The following PCDH15 variants were observed in gnomAD, a reference collection of about 807,000 sequenced individuals.
PCDH15 encodes the protein protocadherin related 15.
PCDH15 carries 129 observed loss-of-function variants against 178.5 expected under a neutral mutation model. The observed-to-expected ratio is 0.72, with a 90% CI of 0.63 to 0.84. PCDH15 has a LOEUF of 0.84. Ranked by LOEUF, PCDH15 falls within the 40% of genes least tolerant of loss-of-function variation. PCDH15 has a pLI of 0.00. For missense variants in PCDH15, 2,230 were observed against 2,099.9 expected (o/e 1.06, Z -1.21); for synonymous variants, 800 against 732.0 (o/e 1.09, Z -1.50).
At chr10:54,002,473 T>C (rs774889570) in intron 20 of PCDH15, among the ~76,000 whole-genome samples, 5 of 152,080 alleles carry the variant, frequency 3.3e-5, no homozygotes, top group Non-Finnish European at 5.9e-5. Context: ...ATTAAAAACT[T>C]TGAAATAATA....
chr10:54,037,469 G>A (rs1258693708), intron 18 of PCDH15, among the ~76,000 whole-genome samples: 2 of 151,886 alleles, frequency 1.3e-5, no homozygotes, highest in African/African-American at 4.8e-5. Flanking sequence ...ATTAAGACTT[G>A]CTGAAGGTTC....
At chr10:55,419,469 G>A (rs1317053773) in intron 2 of PCDH15, among the ~76,000 whole-genome samples, 2 of 151,748 alleles carry the variant, frequency 1.3e-5, no homozygotes, top group Admixed American at 6.6e-5. Context: ...AGGAGAGATT[G>A]TTTGTATTTC....
chr10:53,827,574 A>G, intron 31 of PCDH15, 26 bp from the exon 32 acceptor site: 1 of 1,613,948 alleles, frequency 6.2e-7, no homozygotes, highest in Non-Finnish European at 8.5e-7. Context: ...GATGGCTTGT[A>G]AAACTCATTT....
At chr10:55,020,821 C>T (rs992647044) in intron 2 of PCDH15, among the ~76,000 whole-genome samples, 2 of 152,090 alleles carry the variant, frequency 1.3e-5, no homozygotes, top group African/African-American at 4.8e-5. Context: ...TAAATTGATG[C>T]CTTATCTTCA....
chr10:53,979,869 C>T (rs563497002), intron 21 of PCDH15, among the ~76,000 whole-genome samples: 25 of 152,224 alleles, frequency 1.6e-4, no homozygotes, highest in African/African-American at 4.8e-4. Context: ...GTTCATAGAG[C>T]GTATAGTAAT....
At chr10:54,537,802 T>C (rs141034612) in intron 2 of PCDH15, among the ~76,000 whole-genome samples, 17 of 152,214 alleles carry the variant, frequency 1.1e-4, no homozygotes, top group Non-Finnish European at 2.2e-4. Context: ...TTCTTAATAA[T>C]AGCATTTTGA....
At chr10:54,872,841 C>T (rs1449748532) in intron 3 of PCDH15, among the ~76,000 whole-genome samples, 1 of 152,006 alleles carries the variant, frequency 6.6e-6, no homozygotes, top group Non-Finnish European at 1.5e-5. Flanking sequence ...AAAACATAAT[C>T]TTTGACATCT....
rs755148687 is a variant in PCDH15, at chr10:53,822,882, C to T, written c.4368-2652G>A. 4.3e-6 allele frequency: 7 copies of T among 1,613,998 alleles called. No homozygotes were observed. The highest frequency in any genetic ancestry group is 4.0e-5 in the African/African-American group (3 of 74,924). The stretch of plus-strand genomic sequence containing the variant: ...ATTGCTGCTACCTCTTTTGTTTGTA[C>T]AGATTCCAGTGTTTTCATTTTCAGC... On this transcript the variant is annotated intron_variant, in intron 32 of 37. Coordinates refer to ENST00000644397, the MANE Select transcript of PCDH15 (RefSeq NM_001384140.1).
At chr10:55,520,859 T>C (rs1001330883) in intron 2 of PCDH15, among the ~76,000 whole-genome samples, 10 of 152,000 alleles carry the variant, frequency 6.6e-5, no homozygotes, top group Non-Finnish European at 1.5e-4. Flanking sequence ...AGGTGTATGA[T>C]GTGATGATTT....
chr10:54,453,615 T>C (rs537372623), intron 3 of PCDH15, among the ~76,000 whole-genome samples: 1 of 151,508 alleles, frequency 6.6e-6, no homozygotes, highest in African/African-American at 2.4e-5. Context: ...GTAACAAACC[T>C]GTACGTTGTG....
intron 3 of PCDH15, among the ~76,000 whole-genome samples, chr10:54,468,305 T>C (rs1202768547): frequency 2.6e-5 from 4 of 152,024 alleles, no homozygotes; most frequent in African/African-American, 9.7e-5. Context: ...TGCTAAAAAC[T>C]TTCCTCTTAG....
intron 18 of PCDH15, among the ~76,000 whole-genome samples, chr10:54,063,486 T>C (rs2135775253): frequency 6.6e-6 from 1 of 152,322 alleles, no homozygotes; most frequent in African/African-American, 2.4e-5. Context: ...CTTGTCAGTG[T>C]CCTATGCATG....
intron 20 of PCDH15, among the ~76,000 whole-genome samples, chr10:54,005,733 A>G (rs921536938): frequency 6.6e-6 from 1 of 152,112 alleles, no homozygotes; most frequent in Non-Finnish European, 1.5e-5. Flanking sequence ...TACAACCACT[A>G]TGGAGAACAG....
chr10:54,236,808 T>C lies in PCDH15; in HGVS notation c.985+15A>G. 2 of 1,574,290 alleles carry C rather than the reference T, an allele frequency of 1.3e-6. No homozygotes were observed. Among genetic ancestry groups the C allele is most frequent in the Non-Finnish European group, 1.7e-6 (2 of 1,143,896 alleles). On this transcript the variant is annotated intron_variant, in intron 9 of 37. Coordinates refer to ENST00000644397, the MANE Select transcript of PCDH15 (RefSeq NM_001384140.1). ...CTAGAATAACTGATAGTGTAAAATGTTATCAGATACAAACCAACAAGGATG... is the reference window on the plus strand; with the variant it reads ...CTAGAATAACTGATAGTGTAAAATGCTATCAGATACAAACCAACAAGGATG...
intron 3 of PCDH15, among the ~76,000 whole-genome samples, chr10:54,455,495 G>T (rs2076756993): frequency 1.3e-5 from 2 of 152,152 alleles, no homozygotes; most frequent in Non-Finnish European, 2.9e-5. Flanking sequence ...TGGAGTATAG[G>T]TCACTCTTGC....
intron 2 of PCDH15, among the ~76,000 whole-genome samples, chr10:55,608,396 C>T (rs1173788587): frequency 6.6e-6 from 1 of 151,354 alleles, no homozygotes; most frequent in Non-Finnish European, 1.5e-5. Flanking sequence ...TGTTCCAGGA[C>T]TCAAGAAAGA....
chr10:54,893,410 A>G (rs994580500), intron 3 of PCDH15, among the ~76,000 whole-genome samples: 5 of 152,070 alleles, frequency 3.3e-5, no homozygotes, highest in Admixed American at 3.3e-4. Context: ...TTTAACTAAA[A>G]TAATATATTT....
At chr10:55,457,576 C>T (rs556665499) in intron 2 of PCDH15, among the ~76,000 whole-genome samples, 1 of 152,136 alleles carries the variant, frequency 6.6e-6, no homozygotes, top group African/African-American at 2.4e-5. Context: ...CCAGACCCTT[C>T]TTATGTTTTC....
At chr10:55,006,717 T>C (rs1368857485) in intron 2 of PCDH15, among the ~76,000 whole-genome samples, 1 of 152,214 alleles carries the variant, frequency 6.6e-6, no homozygotes, top group African/African-American at 2.4e-5. Context: ...AGCTCACCCT[T>C]ATACCAGTGT....
Sources: allele counts gnomAD v4.1 joint callset (sites outside exome capture counted in the v4.1 genomes callset), GRCh38; gene constraint gnomAD v4.1.1; transcripts MANE v1.5; gene names NCBI Gene and HGNC (gene_info 2026-07-23, HGNC 2026-07-21).